The following KANK1 variants were observed in gnomAD, a reference collection of about 807,000 sequenced individuals.
The protein encoded by KANK1 is KN motif and ankyrin repeat domains 1.
KANK1 carries 109 observed loss-of-function variants against 106.2 expected under a neutral mutation model. The ratio of observed to expected loss-of-function variants is 1.03; its 90% CI spans 0.88 to 1.20. The LOEUF is 1.20. Among genes scored for constraint, KANK1 ranks in the 50% most tolerant of loss-of-function variants. The pLI is 0.00. For missense variants in KANK1, 2,399 were observed against 1,710.7 expected, an observed-to-expected ratio of 1.40 and a Z score of -7.10; for synonymous variants, 873 against 652.2, an observed-to-expected ratio of 1.34 and a Z score of -5.16.
At chr9:742,032 TC>T (rs1347010828) in intron 9 of KANK1, among the ~76,000 whole-genome samples, 172 bp from the exon 10 acceptor site, 2 of 152,116 alleles carry the variant, frequency 1.3e-5, no homozygotes, top group Non-Finnish European at 2.9e-5. Flanking sequence ...TGCTCATAGC[TC>T]ATGGGAAGCT....
At position 684,462 on chromosome 9, in the gene KANK1, G is replaced by A. The variant is rs143508138; in HGVS notation, c.37+7453G>A. ...GGGAGATTCGCTGTGTTAAGAACTC[G>A]AGCTGTTGCTATTATTCTAAGAGAC... On this transcript the variant is annotated intron_variant, in intron 2 of 11. Coordinates refer to ENST00000382297, the MANE Select transcript of KANK1 (RefSeq NM_015158.5). The A allele has an allele frequency of 4.4e-4, 429 of 985,350 alleles. 5 individuals carry two copies. The African/African-American group carries it at 6.2e-3, about 14-fold the overall frequency. The allele number at this position is 985,350 out of a possible 1,614,324, so 61.0% of individuals were successfully genotyped here.
At chr9:553,990 C>T (rs2061429297) in intron 1 of KANK1, among the ~76,000 whole-genome samples, 1 of 152,196 alleles carries the variant, frequency 6.6e-6, no homozygotes, top group African/African-American at 2.4e-5. Flanking sequence ...CCCAGACCTT[C>T]TGATTCAGGA....
At chr9:726,772 C>G (rs1484712567) in intron 3 of KANK1, among the ~76,000 whole-genome samples, 2 of 151,714 alleles carry the variant, frequency 1.3e-5, no homozygotes, top group Admixed American at 6.6e-5. Flanking sequence ...CCAGCCTGGC[C>G]AACATGGTAA....
At chr9:656,620 A>G (rs907951434) in intron 1 of KANK1, among the ~76,000 whole-genome samples, 3 of 151,802 alleles carry the variant, frequency 2.0e-5, no homozygotes, top group Admixed American at 6.6e-5. Context: ...AGATGCCCCT[A>G]CTCCCTCCCG....
At position 732,532 on chromosome 9, in the gene KANK1, A is replaced by T. The variant is rs780547945; in HGVS notation, c.3160A>T (p.Asn1054Tyr). 1.2e-6 allele frequency: 2 copies of T among 1,614,032 alleles called. No individual in the cohort carries two copies. Among genetic ancestry groups the T allele is most frequent in the African/African-American group, 1.3e-5 (1 of 74,902 alleles). The change falls in exon 6 of 12, where the codon AAT becomes TAT. Residue 1054 changes from asparagine to tyrosine, a missense_variant. Coordinates refer to ENST00000382297, the MANE Select transcript of KANK1 (RefSeq NM_015158.5). ...AATGGCAGAAGGGCACCATGCAGTT[A>T]ATATTGAAGGTTTGAAGTCTGCCAG... The part of the protein sequence containing the change: ...RGMAEGHHAV[N>Y]IEGLKSARVE...
chr9:601,353 C>G (rs1185954282), intron 1 of KANK1, among the ~76,000 whole-genome samples: 3 of 151,812 alleles, frequency 2.0e-5, no homozygotes, highest in Non-Finnish European at 4.4e-5. Context: ...TGATCCAATC[C>G]AAGATCCACA....
intron 1 of KANK1, among the ~76,000 whole-genome samples, chr9:601,639 C>T (rs895807094): frequency 6.6e-6 from 1 of 151,834 alleles, no homozygotes; most frequent in Non-Finnish European, 1.5e-5. Context: ...TGGACAGTTA[C>T]TTCATTCTGT....
At chr9:714,888 TC>T (rs1827268630) in intron 3 of KANK1, among the ~76,000 whole-genome samples, 1 of 152,154 alleles carries the variant, frequency 6.6e-6, no homozygotes, top group South Asian at 2.1e-4. Context: ...CTGCCTGGCT[TC>T]CGTTTCTGGC....
intron 1 of KANK1, among the ~76,000 whole-genome samples, chr9:612,485 G>C (rs1303116681): frequency 6.6e-6 from 1 of 151,944 alleles, no homozygotes; most frequent in Admixed American, 6.6e-5. Context: ...CAGCCTTTAG[G>C]GTTTCAGTGT....
chr9:521,259 A>AT (rs376194945), intron 1 of KANK1, among the ~76,000 whole-genome samples: 6 of 151,688 alleles, frequency 4.0e-5, no homozygotes, highest in African/African-American at 1.2e-4. Context: ...GATCTTGGCC[A>AT]TTTCTGCATG....
chr9:634,332 C>T (rs1398149546), intron 1 of KANK1, among the ~76,000 whole-genome samples: 1 of 152,028 alleles, frequency 6.6e-6, no homozygotes, highest in Non-Finnish European at 1.5e-5. Flanking sequence ...GCACTGAGTC[C>T]ATCTCTGGAC....
chr9:551,718 A>T (rs907821610), intron 1 of KANK1, among the ~76,000 whole-genome samples: 3 of 152,116 alleles, frequency 2.0e-5, no homozygotes, highest in African/African-American at 7.2e-5. Flanking sequence ...GACATTAAAA[A>T]GATACCATCG....
chr9:642,498 A>T lies in KANK1; in HGVS notation c.-83-34392A>T, dbSNP rs1021151709. Among the ~76,000 whole-genome samples the T allele has an allele frequency of 2.6e-5, 4 of 151,034 alleles. 1 individual carries two copies. Among genetic ancestry groups the T allele is most frequent in the African/African-American group, 9.9e-5 (4 of 40,310 alleles). On this transcript the variant is annotated intron_variant, in intron 1 of 11. Coordinates refer to ENST00000382297, the MANE Select transcript of KANK1 (RefSeq NM_015158.5). ...TTTGAACAAGTGTTTGATTTTGCTA[A>T]TCTTGGTAGTGCATAAGGTCACTTT...
At chr9:568,184 A>G (rs1818276025) in intron 1 of KANK1, among the ~76,000 whole-genome samples, 1 of 152,212 alleles carries the variant, frequency 6.6e-6, no homozygotes, top group African/African-American at 2.4e-5. Flanking sequence ...TCTATAATGC[A>G]TGTTAAAAAT....
At chr9:702,079 G>A (rs1822816507) in intron 2 of KANK1, among the ~76,000 whole-genome samples, 1 of 152,304 alleles carries the variant, frequency 6.6e-6, no homozygotes, top group African/African-American at 2.4e-5. Flanking sequence ...TCTGAACACA[G>A]AGGAATTTGG....
intron 1 of KANK1, among the ~76,000 whole-genome samples, chr9:581,042 G>A (rs13295846): frequency 1.8e-3 from 281 of 151,956 alleles, no homozygotes; most frequent in Middle Eastern, 0.01. Context: ...CCCAGGGGCC[G>A]GCCGCTCCAA....
chr9:726,440 T>A (rs1589225387), intron 3 of KANK1, among the ~76,000 whole-genome samples: 1 of 151,130 alleles, frequency 6.6e-6, no homozygotes, highest in Admixed American at 6.6e-5. Flanking sequence ...GGAGTTCGAG[T>A]CCAACCTGGC....
chr9:649,342 G>C (rs10975577), intron 1 of KANK1, among the ~76,000 whole-genome samples: 8 of 152,076 alleles, frequency 5.3e-5, no homozygotes, highest in East Asian at 1.9e-4. Context: ...TAACACCCTC[G>C]AAAGCGTCCC....
intron 1 of KANK1, among the ~76,000 whole-genome samples, chr9:637,357 T>C (rs748772958): frequency 2.0e-5 from 3 of 152,176 alleles, no homozygotes. Context: ...GAGGGTAGGG[T>C]GGCACTTGTA....
Sources: allele counts gnomAD v4.1 joint callset (sites outside exome capture counted in the v4.1 genomes callset), GRCh38; gene constraint gnomAD v4.1.1; transcripts MANE v1.5; gene names NCBI Gene and HGNC (gene_info 2026-07-23, HGNC 2026-07-21).